The following NKAIN3 variants were observed in gnomAD, a reference collection of about 807,000 sequenced individuals.
The protein encoded by NKAIN3 is sodium/potassium-transporting ATPase subunit beta-1-interacting protein 3.
A neutral mutation model predicts 30.2 loss-of-function variants in NKAIN3; 25 were observed. The ratio of observed to expected loss-of-function variants is 0.83; its 90% CI spans 0.60 to 1.16. NKAIN3 has a LOEUF of 1.16. NKAIN3 is among the 50% of genes most tolerant of loss of function. The pLI, the probability that NKAIN3 is intolerant of heterozygous loss-of-function variation, is 0.00. For missense variants in NKAIN3, 225 were observed against 254.1 expected, an observed-to-expected ratio of 0.89 and a Z score of 0.78; for synonymous variants, 91 against 89.6, an observed-to-expected ratio of 1.02 and a Z score of -0.09.
chr8:62,495,695 C>T (rs1275718816), intron 1 of NKAIN3, among the ~76,000 whole-genome samples: 1 of 152,012 alleles, frequency 6.6e-6, no homozygotes, highest in Non-Finnish European at 1.5e-5. Flanking sequence ...TTTAAACTAT[C>T]ATTTACTGAC....
At chr8:62,351,483 T>C (rs1489792959) in intron 1 of NKAIN3, among the ~76,000 whole-genome samples, 1 of 149,578 alleles carries the variant, frequency 6.7e-6, no homozygotes, top group Non-Finnish European at 1.5e-5. Flanking sequence ...GAGGCCTGAC[T>C]GTTTATATTA....
At chr8:62,916,914 G>C (rs1254292373) in intron 4 of NKAIN3, among the ~76,000 whole-genome samples, 3 of 151,962 alleles carry the variant, frequency 2.0e-5, no homozygotes, top group African/African-American at 4.8e-5. Flanking sequence ...CTTGTGGGGT[G>C]CTTTTAGGGG....
intron 3 of NKAIN3, among the ~76,000 whole-genome samples, chr8:62,692,671 C>T (rs1176663413): frequency 1.3e-5 from 2 of 152,182 alleles, no homozygotes; most frequent in South Asian, 2.1e-4. Context: ...CTTATTATTT[C>T]TCTAATGTTT....
intron 4 of NKAIN3, among the ~76,000 whole-genome samples, chr8:62,799,404 C>G (rs1254897734): frequency 6.6e-6 from 1 of 152,062 alleles, no homozygotes; most frequent in Non-Finnish European, 1.5e-5. Context: ...AGATCATTCT[C>G]AAAAGAAGAT....
chr8:62,589,697 C>G lies in NKAIN3; in HGVS notation c.193-17C>G, dbSNP rs776701464. 1 of 1,285,244 alleles carries G rather than the reference C, an allele frequency of 7.8e-7. No homozygotes were observed. Among genetic ancestry groups the G allele is most frequent in the African/African-American group, 1.5e-5 (1 of 66,730 alleles). 79.6% of individuals were successfully genotyped at this position (1,285,244 alleles called of 1,614,324 possible). ...CCATATTTTTCTTCTCTTTCTCCCT[C>G]CCCCATTTCTATCTAGTATACAGTG... is the stretch of plus-strand genomic sequence containing the variant. On this transcript the variant is annotated splice_polypyrimidine_tract_variant and intron_variant, in intron 2 of 6. Transcript: ENST00000623646.
At chr8:62,316,515 G>A in intron 1 of NKAIN3, among the ~76,000 whole-genome samples, 1 of 151,460 alleles carries the variant, frequency 6.6e-6, no homozygotes, top group East Asian at 2.0e-4. Context: ...ACCTATAAGT[G>A]AGAACATGTG....
Position 62,292,767 on chromosome 8 carries a change from T to C in NKAIN3, c.54+43640T>C, listed in dbSNP as rs144350891. On this transcript the variant is annotated intron_variant, in intron 1 of 6. Transcript: ENST00000623646. ...GTGGTGTTCTCTGTATTTCCTGAAT[T>C]TGAATGTTGGCCTGCCTCACTAGGT... Among the ~76,000 whole-genome samples the C allele has an allele frequency of 6.6e-3, 1,010 of 152,320 alleles. 7 individuals are homozygous for C. The highest frequency in any genetic ancestry group is 0.023 in the African/African-American group (957 of 41,578).
At chr8:62,770,029 A>T (rs550439151) in intron 4 of NKAIN3, among the ~76,000 whole-genome samples, 1 of 152,320 alleles carries the variant, frequency 6.6e-6, no homozygotes, top group South Asian at 2.1e-4. Context: ...TAACTAATAG[A>T]ATATGACAAA....
At chr8:62,647,088 T>C (rs1321769052) in intron 3 of NKAIN3, among the ~76,000 whole-genome samples, 2 of 152,170 alleles carry the variant, frequency 1.3e-5, no homozygotes, top group Non-Finnish European at 2.9e-5. Context: ...AAGACAAACG[T>C]TGAGATTCAT....
chr8:62,903,107 G>A (rs770588175), intron 4 of NKAIN3, among the ~76,000 whole-genome samples: 1 of 152,146 alleles, frequency 6.6e-6, no homozygotes, highest in African/African-American at 2.4e-5. Context: ...ACACATAAGG[G>A]CAGTAAATCC....
At chr8:62,671,027 A>G (rs572811344) in intron 3 of NKAIN3, among the ~76,000 whole-genome samples, 77 of 152,254 alleles carry the variant, frequency 5.1e-4, no homozygotes, top group African/African-American at 1.8e-3. Context: ...GTTTTTATGT[A>G]AAAAAGAAGC....
rs148445282 is a variant in NKAIN3, at chr8:62,983,118, G to C, written c.*17711G>C. 1 of 152,028 alleles carries C rather than the reference G, an allele frequency of 6.6e-6. No individual in the cohort carries two copies. The highest frequency in any genetic ancestry group is 1.5e-5 in the Non-Finnish European group (1 of 68,030). The allele number at this position is 152,028 out of a possible 1,614,324, so 9.4% of individuals were successfully genotyped here. On this transcript the variant is annotated 3_prime_UTR_variant, in exon 7 of 7. Transcript: ENST00000623646. ...GAGACAGCATTAGATGACCTCCTTC[G>C]TGCCACACTACTTGCCAGTATCCAC...
At chr8:62,616,869 A>C (rs1326301208) in intron 3 of NKAIN3, among the ~76,000 whole-genome samples, 1 of 152,172 alleles carries the variant, frequency 6.6e-6, no homozygotes, top group Non-Finnish European at 1.5e-5. Flanking sequence ...TCCAAATCTC[A>C]TGGTGAAATG....
intron 1 of NKAIN3, among the ~76,000 whole-genome samples, chr8:62,562,629 T>C (rs529281738): frequency 9.7e-4 from 147 of 152,252 alleles, no homozygotes; most frequent in Non-Finnish European, 1.8e-3. Flanking sequence ...AAGTAGTTGA[T>C]GGTGTTAACC....
chr8:62,282,393 T>A (rs1813234030), intron 1 of NKAIN3, among the ~76,000 whole-genome samples: 2 of 152,148 alleles, frequency 1.3e-5, no homozygotes, highest in South Asian at 4.1e-4. Flanking sequence ...GGCCTGGGCT[T>A]GTAGGGATAC....
intron 1 of NKAIN3, among the ~76,000 whole-genome samples, chr8:62,315,418 T>C (rs1196263681): frequency 1.3e-5 from 2 of 152,194 alleles, no homozygotes; most frequent in Non-Finnish European, 2.9e-5. Context: ...AGAAGGATGA[T>C]CTTTAATACT....
intron 1 of NKAIN3, among the ~76,000 whole-genome samples, chr8:62,398,508 G>A (rs1817836584): frequency 6.6e-6 from 1 of 152,242 alleles, no homozygotes; most frequent in African/African-American, 2.4e-5. Context: ...CATGTAAGCT[G>A]TTGAATCTCT....
intron 1 of NKAIN3, among the ~76,000 whole-genome samples, chr8:62,423,983 A>G (rs1804725307): frequency 1.3e-5 from 2 of 151,976 alleles, no homozygotes; most frequent in Non-Finnish European, 2.9e-5. Context: ...TTGTATGAAC[A>G]CATCACTCTT....
intron 1 of NKAIN3, among the ~76,000 whole-genome samples, chr8:62,506,951 A>G (rs553965899): frequency 4.8e-4 from 73 of 152,200 alleles, no homozygotes; most frequent in African/African-American, 1.7e-3. Flanking sequence ...CATCTTTTCC[A>G]TTTCTTTGAC....
Sources: gnomAD v4.1 joint callset for allele counts (sites outside exome capture counted in the v4.1 genomes callset) on GRCh38, gnomAD v4.1.1 for gene constraint, MANE v1.5 for transcripts, NCBI Gene and HGNC (gene_info 2026-07-23, HGNC 2026-07-21) for gene names.